The following SEZ6L variants were observed in gnomAD, a reference collection of about 807,000 sequenced individuals.
SEZ6L encodes seizure related 6 homolog like, also known as seizure 6-like protein.
A neutral mutation model predicts 106.2 loss-of-function variants in SEZ6L; 37 were observed. The observed-to-expected ratio is 0.35, with a 90% CI of 0.27 to 0.46. The LOEUF (loss-of-function observed/expected upper bound fraction) is 0.46, where lower values mean the gene tolerates loss of function less well. Ranked by LOEUF, SEZ6L falls within the 20% of genes least tolerant of loss-of-function variation. The pLI is 1.00. For missense variants in SEZ6L, 1,172 were observed against 1,332.8 expected (o/e 0.88, Z 1.88); for synonymous variants, 541 against 570.4 (o/e 0.95, Z 0.73).
chr22:26,311,749 C>T lies in SEZ6L; in HGVS notation c.1682-19C>T. 1 of 1,609,990 alleles carries T rather than the reference C, an allele frequency of 6.2e-7. No homozygotes were observed. ...GTCCCTGCATCATCTGAACTGCTGC[C>T]TCTCTTTCCCTTCCTCAGCGTTTGA... is the stretch of plus-strand genomic sequence containing the variant. On this transcript the variant is annotated intron_variant, in intron 7 of 16. Transcript: ENST00000248933.
rs1164824440 is a variant in SEZ6L at position 26,292,781 on chromosome 22, T to C, written c.470T>C (p.Leu157Pro). The change falls in exon 2 of 17, where the codon CTC becomes CCC. Residue 157 changes from leucine (L) to proline (P), a missense_variant. Leu to Pro is a moderately conservative substitution (Grantham distance 98). Coordinates refer to ENST00000248933, the MANE Select transcript of SEZ6L (RefSeq NM_021115.5). ...SQPASQGLDL[L>P]SSSTEKPGPP... Reference sequence around the variant, plus strand: ...CCAGCGTCCCAGGGCCTAGATCTCCTCTCCTCCTCCACGGAGAAGCCTGGC... The same window carrying C: ...CCAGCGTCCCAGGGCCTAGATCTCCCCTCCTCCTCCACGGAGAAGCCTGGC... The C allele has an allele frequency of 6.2e-7, 1 of 1,613,894 alleles. No homozygotes were observed. Among genetic ancestry groups the C allele is most frequent in the Non-Finnish European group, 8.5e-7 (1 of 1,179,966 alleles).
rs771880760 is a variant in SEZ6L at position 26,292,675 on chromosome 22, C to T, written c.364C>T (p.Leu122Phe). Residue 122 changes from leucine to phenylalanine, a missense_variant, in exon 2 of 17, where the codon CTC becomes TTC. By Grantham distance (22) the Leu-to-Phe change is conservative (BLOSUM62 0). Coordinates refer to ENST00000248933, the MANE Select transcript of SEZ6L (RefSeq NM_021115.5). ...ALPPKKKLPS[L>F]KQVNSARKQL... is the part of the protein sequence containing the mutation. ...GCCCCCCAAGAAGAAACTGCCTTCG[C>T]TCAAGCAGGTGAACTCTGCCAGGAA... The T allele has an allele frequency of 2.5e-6, 4 of 1,613,558 alleles. No homozygotes were observed. The highest frequency in any genetic ancestry group is 2.7e-5 in the African/African-American group (2 of 75,036).
At chr22:26,300,010 A>G (rs2081404468) in intron 5 of SEZ6L, among the ~76,000 whole-genome samples, 1 of 152,084 alleles carries the variant, frequency 6.6e-6, no homozygotes, top group African/African-American at 2.4e-5. Context: ...TGTTGTTTTT[A>G]TTGTAGCCAT....
rs1374401406 is a variant in SEZ6L, at chr22:26,382,773, C to G, written c.*2478C>G. 6.6e-6 allele frequency: 1 copy of G among 152,090 alleles called. No homozygotes were observed. Among genetic ancestry groups the G allele is most frequent in the Non-Finnish European group, 1.5e-5 (1 of 68,010 alleles). 9.4% of individuals were successfully genotyped at this position (152,090 alleles called of 1,614,324 possible). A position where few individuals can be genotyped will look rare whatever the true frequency, so the allele number is the denominator to read the frequency against. On this transcript the variant is annotated 3_prime_UTR_variant, in exon 17 of 17. Transcript: ENST00000248933. ...AGTGCCAAAAATGTGCAAGGCATCT[C>G]ATTACAGCTCATGTACGTCTGTTTT...
intron 1 of SEZ6L, among the ~76,000 whole-genome samples, chr22:26,225,344 C>T (rs2078605273): frequency 6.6e-6 from 1 of 152,182 alleles, no homozygotes; most frequent in South Asian, 2.1e-4. Flanking sequence ...GAGTCACAAC[C>T]ACTGCCAAGC....
At chr22:26,222,080 G>A (rs547648314) in intron 1 of SEZ6L, among the ~76,000 whole-genome samples, 6 of 152,110 alleles carry the variant, frequency 3.9e-5, no homozygotes, top group Non-Finnish European at 7.4e-5. Context: ...TAATCGCCTG[G>A]GGTGGCAGTG....
intron 1 of SEZ6L, among the ~76,000 whole-genome samples, chr22:26,196,992 G>A (rs940118584): frequency 1.3e-5 from 2 of 152,172 alleles, no homozygotes; most frequent in South Asian, 2.1e-4. Flanking sequence ...CAGCAACACA[G>A]TGCATAGGGC....
intron 9 of SEZ6L, among the ~76,000 whole-genome samples, chr22:26,325,923 C>T (rs1318926989): frequency 8.8e-6 from 1 of 113,066 alleles, no homozygotes; most frequent in African/African-American, 4.1e-5. Context: ...CACGATCACA[C>T]ACACCACACA....
At chr22:26,213,075 A>T (rs538930960) in intron 1 of SEZ6L, among the ~76,000 whole-genome samples, 9 of 152,252 alleles carry the variant, frequency 5.9e-5, no homozygotes, top group Admixed American at 5.9e-4. Flanking sequence ...GAGGATGGGG[A>T]TGCTTAGGCT....
At chr22:26,282,877 T>C (rs1374573253) in intron 1 of SEZ6L, among the ~76,000 whole-genome samples, 2 of 152,164 alleles carry the variant, frequency 1.3e-5, no homozygotes, top group African/African-American at 4.8e-5. Context: ...TCTATGTCAA[T>C]CAAAATTTAA....
At chr22:26,365,003 T>C (rs1227599950) in intron 12 of SEZ6L, 1 of 169,962 alleles carries the variant, frequency 5.9e-6, no homozygotes, top group Non-Finnish European at 1.3e-5. Flanking sequence ...ATTTCCTTAC[T>C]TACCTATTTT....
chr22:26,348,650 GAAAGAA>G (rs2083126317), intron 11 of SEZ6L, among the ~76,000 whole-genome samples: 4 of 18,882 alleles, frequency 2.1e-4, no homozygotes, highest in African/African-American at 8.5e-4. Context: ...GAAAGAAAAA[GAAAGAA>G]AGAAAGAAAG....
At chr22:26,287,092 C>T (rs891526571) in intron 1 of SEZ6L, among the ~76,000 whole-genome samples, 3 of 150,944 alleles carry the variant, frequency 2.0e-5, no homozygotes, top group African/African-American at 7.3e-5. Flanking sequence ...AGGATGTTCC[C>T]AGTCTAATCT....
intron 1 of SEZ6L, among the ~76,000 whole-genome samples, chr22:26,248,869 G>T (rs564676572): frequency 6.6e-6 from 1 of 152,170 alleles, no homozygotes; most frequent in Non-Finnish European, 1.5e-5. Context: ...TGGCTGAAGC[G>T]GCTATGCAAG....
At chr22:26,210,625 C>A (rs2078130398) in intron 1 of SEZ6L, among the ~76,000 whole-genome samples, 2 of 152,116 alleles carry the variant, frequency 1.3e-5, no homozygotes, top group African/African-American at 4.8e-5. Flanking sequence ...ATTCATATAC[C>A]AGCCTGGCAG....
At chr22:26,342,525 T>C (rs1164277456) in intron 10 of SEZ6L, among the ~76,000 whole-genome samples, 8 of 130,034 alleles carry the variant, frequency 6.2e-5, no homozygotes, top group Admixed American at 5.7e-4. Flanking sequence ...CCGTCTCTAC[T>C]AAAAATACAA....
chr22:26,257,514 G>A (rs888969899), intron 1 of SEZ6L, among the ~76,000 whole-genome samples: 1 of 152,224 alleles, frequency 6.6e-6, no homozygotes, highest in Non-Finnish European at 1.5e-5. Flanking sequence ...TAAGAAGAAT[G>A]TAATGGCAGA....
At chr22:26,326,239 G>T (rs73158636) in intron 9 of SEZ6L, among the ~76,000 whole-genome samples, 2,311 of 152,222 alleles carry the variant, frequency 0.015, 26 homozygotes, top group Non-Finnish European at 0.025. Flanking sequence ...TTGCCTTGTC[G>T]GTGCACCCCT....
chr22:26,321,278 C>A (rs778691137), intron 9 of SEZ6L, among the ~76,000 whole-genome samples: 1 of 152,112 alleles, frequency 6.6e-6, no homozygotes, highest in African/African-American at 2.4e-5. Context: ...TAGAAGCTGG[C>A]GGAGCTTGGA....
Sources: allele counts gnomAD v4.1 joint callset (sites outside exome capture counted in the v4.1 genomes callset), GRCh38; gene constraint gnomAD v4.1.1; transcripts MANE v1.5; gene names NCBI Gene and HGNC (gene_info 2026-07-23, HGNC 2026-07-21).